The following CTNNA2 variants were observed in gnomAD, a reference collection of about 807,000 sequenced individuals.
CTNNA2 encodes catenin alpha-2.
In CTNNA2, 42 loss-of-function variants were observed where a neutral mutation model predicts 101.0. The observed-to-expected ratio is 0.42, with a 90% confidence interval of 0.32 to 0.54. The LOEUF is 0.54. CTNNA2 is among the 20% of genes least tolerant of loss of function. The probability of loss-of-function intolerance (pLI) is 0.14; values close to 1 mark genes in which losing one functional copy is unlikely to be tolerated. For missense variants in CTNNA2, 871 were observed against 1,223.1 expected, an observed-to-expected ratio of 0.71 and a Z score of 4.29; for synonymous variants, 450 against 456.4, an observed-to-expected ratio of 0.99 and a Z score of 0.18.
chr2:80,597,874 G>A (rs1362322075), intron 15 of CTNNA2, among the ~76,000 whole-genome samples: 1 of 152,172 alleles, frequency 6.6e-6, no homozygotes, highest in African/African-American at 2.4e-5. Flanking sequence ...GTTGGTGGGA[G>A]TGTAAATTAG....
At chr2:79,357,400 T>C (rs1290954038) in intron 3 of CTNNA2, among the ~76,000 whole-genome samples, 2 of 152,070 alleles carry the variant, frequency 1.3e-5, no homozygotes, top group Non-Finnish European at 2.9e-5. Context: ...GTTATTAAAC[T>C]GGAAAATAGA....
chr2:79,340,821 G>A (rs866353479), intron 3 of CTNNA2, among the ~76,000 whole-genome samples: 12 of 104,782 alleles, frequency 1.1e-4, no homozygotes, highest in Non-Finnish European at 1.7e-4. Flanking sequence ...GCTACAGAGC[G>A]AGACTCAGTC....
At chr2:79,584,917 G>C (rs186999852) in intron 1 of CTNNA2, among the ~76,000 whole-genome samples, 1 of 152,168 alleles carries the variant, frequency 6.6e-6, no homozygotes, top group Non-Finnish European at 1.5e-5. Context: ...TTAAAAGCTG[G>C]TAGTTTTAAA....
chr2:79,653,391 C>T (rs1397627866), intron 2 of CTNNA2, among the ~76,000 whole-genome samples: 1 of 152,132 alleles, frequency 6.6e-6, no homozygotes, highest in Non-Finnish European at 1.5e-5. Flanking sequence ...TTCTCAAGAA[C>T]ATTGTGATTT....
intron 1 of CTNNA2, among the ~76,000 whole-genome samples, chr2:79,604,279 T>G (rs1573456326): frequency 6.6e-6 from 1 of 152,328 alleles, no homozygotes; most frequent in East Asian, 1.9e-4. Flanking sequence ...GGTGGGAAGA[T>G]GGCATGAGGC....
intron 3 of CTNNA2, among the ~76,000 whole-genome samples, chr2:79,370,105 C>A (rs1287756555): frequency 1.3e-5 from 2 of 152,162 alleles, no homozygotes; most frequent in Non-Finnish European, 2.9e-5. Flanking sequence ...TCAGAGCATA[C>A]AAAGATAATC....
chr2:80,001,520 A>G lies in CTNNA2; in HGVS notation c.1056+91723A>G, dbSNP rs1009784940. On this transcript the variant is annotated intron_variant, in intron 7 of 18. Transcript: ENST00000402739. ...GTGCATATATGTACCTTCACAATTT[A>G]TAGGAGAAATGGAGGCTGAACATTT... is the stretch of plus-strand genomic sequence containing the variant. 4.6e-5 allele frequency among the ~76,000 whole-genome samples: 7 copies of G among 152,342 alleles called. No individual in the cohort carries two copies. In the East Asian group the frequency reaches 1.2e-3, roughly 25 times the overall value.
chr2:80,310,721 A>T (rs567746807), intron 7 of CTNNA2, among the ~76,000 whole-genome samples: 2 of 152,230 alleles, frequency 1.3e-5, no homozygotes, highest in Admixed American at 1.3e-4. Flanking sequence ...ATTATAAAAA[A>T]TGTACTTTGG....
At chr2:80,528,432 G>A (rs924249387) in intron 9 of CTNNA2, among the ~76,000 whole-genome samples, 1 of 152,088 alleles carries the variant, frequency 6.6e-6, no homozygotes, top group Admixed American at 6.6e-5. Flanking sequence ...TCCTGATCTC[G>A]TGATCTGCCT....
chr2:80,628,311 A>G (rs1191842448), intron 18 of CTNNA2, among the ~76,000 whole-genome samples: 2 of 152,070 alleles, frequency 1.3e-5, no homozygotes, highest in East Asian at 3.9e-4. Flanking sequence ...TAGCCAAGAC[A>G]ATCCTAAGCA....
intron 7 of CTNNA2, among the ~76,000 whole-genome samples, chr2:79,926,514 A>G (rs1383003429): frequency 3.3e-5 from 5 of 152,062 alleles, no homozygotes; most frequent in Admixed American, 3.3e-4. Flanking sequence ...AATTATACCC[A>G]TACAGTTTAG....
intron 4 of CTNNA2, among the ~76,000 whole-genome samples, chr2:79,486,151 G>A (rs1011717625): frequency 6.6e-6 from 1 of 152,104 alleles, no homozygotes; most frequent in South Asian, 2.1e-4. Flanking sequence ...GTATACATGT[G>A]CCATGTTGGT....
chr2:79,656,899 G>A (rs1179843076), intron 2 of CTNNA2, among the ~76,000 whole-genome samples: 1 of 151,358 alleles, frequency 6.6e-6, no homozygotes, highest in African/African-American at 2.4e-5. Flanking sequence ...AGAACCAAAG[G>A]GAAATTACAA....
intron 7 of CTNNA2, among the ~76,000 whole-genome samples, chr2:79,967,265 C>T (rs140272670): frequency 6.6e-6 from 1 of 152,048 alleles, no homozygotes; most frequent in Admixed American, 6.6e-5. Flanking sequence ...CTACCCCAAC[C>T]ATCCTCATCT....
chr2:79,706,730 G>A (rs973166375), intron 2 of CTNNA2, among the ~76,000 whole-genome samples: 2 of 152,064 alleles, frequency 1.3e-5, no homozygotes, highest in African/African-American at 4.8e-5. Flanking sequence ...AGAAAATCTT[G>A]GGTGGTGGGC....
chr2:80,362,060 T>C (rs538954117), intron 7 of CTNNA2, among the ~76,000 whole-genome samples: 9 of 152,286 alleles, frequency 5.9e-5, no homozygotes, highest in Admixed American at 2.0e-4. Context: ...TTTTAGCTAA[T>C]TGACTTTGTC....
At chr2:80,227,859 C>A (rs544991668) in intron 7 of CTNNA2, among the ~76,000 whole-genome samples, 4 of 151,684 alleles carry the variant, frequency 2.6e-5, no homozygotes, top group Admixed American at 1.3e-4. Context: ...CAAAAAAAAA[C>A]AACTATTAAA....
chr2:79,421,184 C>CTAAG (rs1678536143), intron 4 of CTNNA2, among the ~76,000 whole-genome samples: 1 of 152,090 alleles, frequency 6.6e-6, no homozygotes, highest in Non-Finnish European at 1.5e-5. Flanking sequence ...TTAAAAGCTA[C>CTAAG]TAAGTACTTA....
At chr2:80,606,250 C>T (rs1208867958) in intron 16 of CTNNA2, among the ~76,000 whole-genome samples, 3 of 151,716 alleles carry the variant, frequency 2.0e-5, no homozygotes, top group Admixed American at 6.6e-5. Flanking sequence ...TTAGGCCCTT[C>T]AAGTTCAATA....
Sources: allele counts gnomAD v4.1 joint callset (sites outside exome capture counted in the v4.1 genomes callset), GRCh38; gene constraint gnomAD v4.1.1; transcripts MANE v1.5; gene names NCBI Gene and HGNC (gene_info 2026-07-23, HGNC 2026-07-21).